The following ZNRF1 variants were observed in gnomAD, a reference collection of about 807,000 sequenced individuals.
ZNRF1 encodes zinc and ring finger 1.
A neutral mutation model predicts 18.4 loss-of-function variants in ZNRF1; 3 were observed. That is an observed-to-expected ratio of 0.16 (90% CI 0.07 to 0.42). The LOEUF is 0.42. Ranked by LOEUF, ZNRF1 falls within the 10% of genes least tolerant of loss-of-function variation. ZNRF1 has a pLI of 0.99. For missense variants in ZNRF1, 310 were observed against 329.8 expected (o/e 0.94, Z 0.47); for synonymous variants, 157 against 144.2 (o/e 1.09, Z -0.64).
chr16:75,010,957 C>G (rs1392270915), intron 1 of ZNRF1, among the ~76,000 whole-genome samples: 1 of 152,152 alleles, frequency 6.6e-6, no homozygotes, highest in Admixed American at 6.5e-5. Context: ...GATCCGCCCA[C>G]CTTGGCCTCC....
chr16:75,070,637 G>A (rs1390095937), intron 1 of ZNRF1, among the ~76,000 whole-genome samples: 1 of 152,034 alleles, frequency 6.6e-6, no homozygotes, highest in Non-Finnish European at 1.5e-5. Flanking sequence ...TCTGTGTACT[G>A]ACATCCTAGG....
intron 1 of ZNRF1, among the ~76,000 whole-genome samples, chr16:75,046,600 G>T (rs2035518640): frequency 6.6e-6 from 1 of 151,804 alleles, no homozygotes; most frequent in African/African-American, 2.4e-5. Flanking sequence ...TTTTGAGACT[G>T]AGTCTCGCTC....
intron 1 of ZNRF1, among the ~76,000 whole-genome samples, chr16:75,008,619 A>G (rs2034955029): frequency 1.3e-5 from 2 of 152,328 alleles, no homozygotes; most frequent in Non-Finnish European, 2.9e-5. Flanking sequence ...CTGTTGAACA[A>G]AAACGTTCAT....
intron 1 of ZNRF1, among the ~76,000 whole-genome samples, chr16:75,050,842 G>A (rs1424487030): frequency 8.8e-6 from 1 of 113,470 alleles, no homozygotes; most frequent in Non-Finnish European, 1.7e-5. Flanking sequence ...CTGCACTCCA[G>A]CCTGGGCGAC....
intron 1 of ZNRF1, among the ~76,000 whole-genome samples, chr16:75,049,952 C>G (rs1214637444): frequency 6.6e-6 from 1 of 151,960 alleles, no homozygotes; most frequent in African/African-American, 2.4e-5. Flanking sequence ...CCTCACAGAT[C>G]CCTAATGCTG....
chr16:75,001,692 A>G (rs1037642966), intron 1 of ZNRF1, among the ~76,000 whole-genome samples: 3 of 152,250 alleles, frequency 2.0e-5, no homozygotes, highest in African/African-American at 7.2e-5. Flanking sequence ...TTTCTCTAAA[A>G]TCACAGAATT....
At chr16:75,081,034 G>C (rs990308358) in intron 1 of ZNRF1, among the ~76,000 whole-genome samples, 11 of 152,086 alleles carry the variant, frequency 7.2e-5, no homozygotes, top group African/African-American at 2.7e-4. Flanking sequence ...TTAGCCGGGC[G>C]TGGTGGTGCG....
In ZNRF1 at chr16:75,108,180, A is replaced by G. The variant is rs1012606670; in HGVS notation, c.*480A>G. On this transcript the variant is annotated 3_prime_UTR_variant, in exon 5 of 5. Transcript: ENST00000335325. ...GCACACGGTCTCTTCCCCTGCCCCA[A>G]CTGGCCCTCTCCACCACCAACTTCT... The G allele has an allele frequency of 5.8e-6, 1 of 172,162 alleles. No individual in the cohort carries two copies. Among genetic ancestry groups the G allele is most frequent in the East Asian group, 1.7e-4 (1 of 5,754 alleles). 10.7% of individuals were successfully genotyped at this position (172,162 alleles called of 1,614,324 possible).
chr16:75,000,861 C>T (rs376990354), intron 1 of ZNRF1, among the ~76,000 whole-genome samples: 1 of 152,294 alleles, frequency 6.6e-6, no homozygotes, highest in East Asian at 1.9e-4. Context: ...GAGCCTGTCA[C>T]GGTGGGGCAT....
chr16:75,033,046 T>C (rs1461962638), intron 1 of ZNRF1, among the ~76,000 whole-genome samples: 2 of 152,178 alleles, frequency 1.3e-5, no homozygotes, highest in African/African-American at 4.8e-5. Flanking sequence ...CTATTGGCAA[T>C]ACATGTAGAG....
chr16:75,003,253 C>T (rs918097039), intron 1 of ZNRF1, among the ~76,000 whole-genome samples: 1 of 152,222 alleles, frequency 6.6e-6, no homozygotes, highest in Non-Finnish European at 1.5e-5. Flanking sequence ...TGAGCCACTG[C>T]GCCCTGCACC....
chr16:75,076,532 G>C (rs1471946387), intron 1 of ZNRF1, among the ~76,000 whole-genome samples: 1 of 151,524 alleles, frequency 6.6e-6, no homozygotes, highest in Non-Finnish European at 1.5e-5. Context: ...TTAATAACTA[G>C]AATACATATG....
intron 1 of ZNRF1, 57 bp downstream of exon 1, chr16:75,000,152 C>G (rs1019893793): frequency 7.1e-6 from 11 of 1,560,094 alleles, no homozygotes; most frequent in Non-Finnish European, 8.7e-6. Context: ...CGCCCCAAGC[C>G]TTCGCGTGCG....
At chr16:75,047,378 G>A (rs2035528917) in intron 1 of ZNRF1, among the ~76,000 whole-genome samples, 1 of 152,192 alleles carries the variant, frequency 6.6e-6, no homozygotes, top group Non-Finnish European at 1.5e-5. Context: ...TGGCTATGTT[G>A]CCCAGGCTGG....
chr16:75,079,695 T>C (rs753574015), intron 1 of ZNRF1, among the ~76,000 whole-genome samples: 1 of 152,196 alleles, frequency 6.6e-6, no homozygotes, highest in Non-Finnish European at 1.5e-5. Context: ...TCTACTCTTT[T>C]GGCTTCTTCC....
chr16:75,048,277 G>T (rs1050928155), intron 1 of ZNRF1, among the ~76,000 whole-genome samples: 1 of 152,036 alleles, frequency 6.6e-6, no homozygotes, highest in Admixed American at 6.6e-5. Flanking sequence ...ATGAACACCA[G>T]TTATGTTGAA....
In ZNRF1 at chr16:75,101,748, G is replaced by A. The variant is rs1050240073; in HGVS notation, c.521-3036G>A. On this transcript the variant is annotated intron_variant, in intron 2 of 4. Coordinates refer to ENST00000335325, the MANE Select transcript of ZNRF1 (RefSeq NM_032268.5). ...CGAACGCTACAGAAATACATAAAAG[G>A]ATTTTTCTCCAAGTCCTCCTTTCCT... is the stretch of plus-strand genomic sequence containing the variant. Among the ~76,000 whole-genome samples, 5 of 152,282 alleles carry A rather than the reference G, an allele frequency of 3.3e-5. No homozygotes were observed. In the East Asian group the frequency reaches 9.6e-4, roughly 29 times the overall value.
intron 2 of ZNRF1, among the ~76,000 whole-genome samples, chr16:75,097,301 A>G (rs2036210977): frequency 6.6e-6 from 1 of 151,964 alleles, no homozygotes; most frequent in South Asian, 2.1e-4. Flanking sequence ...AGTCGTGGAG[A>G]TGACCCGCTT....
chr16:75,023,033 C>T (rs1463779975), intron 1 of ZNRF1, among the ~76,000 whole-genome samples: 1 of 152,110 alleles, frequency 6.6e-6, no homozygotes, highest in Non-Finnish European at 1.5e-5. Context: ...TAAGCAGGAA[C>T]CCCCAATGTT....
Sources: allele counts gnomAD v4.1 joint callset (sites outside exome capture counted in the v4.1 genomes callset), GRCh38; gene constraint gnomAD v4.1.1; transcripts MANE v1.5; gene names NCBI Gene and HGNC (gene_info 2026-07-23, HGNC 2026-07-21).